Variants in OSBPL2 observed in about 807,000 individuals in gnomAD.
The protein encoded by OSBPL2 is oxysterol binding protein like 2, also known as oxysterol-binding protein-related protein 2.
OSBPL2 carries 18 observed loss-of-function variants against 58.4 expected under a neutral mutation model. That is an observed-to-expected ratio of 0.31 (90% CI 0.21 to 0.46). The LOEUF is 0.46. OSBPL2 is among the 20% of genes least tolerant of loss of function. The pLI, the probability that OSBPL2 is intolerant of heterozygous loss-of-function variation, is 1.00. For missense variants in OSBPL2, 461 were observed against 616.5 expected (o/e 0.75, Z 2.67); for synonymous variants, 221 against 234.1 (o/e 0.94, Z 0.51).
chr20:62,244,105 G>A (rs891096433), intron 1 of OSBPL2, among the ~76,000 whole-genome samples: 1 of 152,152 alleles, frequency 6.6e-6, no homozygotes, highest in Non-Finnish European at 1.5e-5. Context: ...GGGCAAGGAC[G>A]CACTCCAGCA....
chr20:62,244,027 C>A (rs912082159), intron 1 of OSBPL2, among the ~76,000 whole-genome samples: 2 of 151,932 alleles, frequency 1.3e-5, no homozygotes, highest in Admixed American at 6.5e-5. Context: ...TAGGGCTGCA[C>A]AGGATGAAGA....
At chr20:62,281,641 A>G (rs1982792417) in intron 8 of OSBPL2, 149 bp from the exon 9 acceptor site, 1 of 592,620 alleles carries the variant, frequency 1.7e-6, no homozygotes, top group East Asian at 2.7e-5. Context: ...CATTTCAAAC[A>G]CTTCCATCGC....
At position 62,289,213 on chromosome 20, in the gene OSBPL2, A is replaced by T; in HGVS notation, c.1132A>T (p.Asn378Tyr). Reference sequence around the variant, plus strand: ...TCTGTGCCTTGCTCCACAGATGTATAATTTCACCAGTTTCACTGTGAGCCT... The same window carrying T: ...TCTGTGCCTTGCTCCACAGATGTATTATTTCACCAGTTTCACTGTGAGCCT... Reference protein sequence around the residue: ...TRPPNSAQMYNFTSFTVSLNE... With the variant: ...TRPPNSAQMYYFTSFTVSLNE... The change falls in exon 12 of 14, where the codon AAT (asparagine) becomes TAT (tyrosine). Residue 378 changes from asparagine to tyrosine, a missense_variant. Physicochemically the swap from Asn to Tyr is moderately radical, Grantham distance 143. This residue lies in a region of OSBPL2 where 319 missense variants were observed against 419.2 expected (regional missense o/e 0.76). Transcript: ENST00000313733. 1 of 1,613,778 alleles carries T rather than the reference A, an allele frequency of 6.2e-7. No homozygotes were observed. Among genetic ancestry groups the T allele is most frequent in the Non-Finnish European group, 8.5e-7 (1 of 1,179,860 alleles).
At chr20:62,271,290 T>C (rs1271704697) in intron 4 of OSBPL2, among the ~76,000 whole-genome samples, 3 of 152,058 alleles carry the variant, frequency 2.0e-5, no homozygotes, top group Non-Finnish European at 4.4e-5. Flanking sequence ...AGCAGACACC[T>C]GAGACTCCTT....
chr20:62,255,974 G>C (rs984986985), intron 1 of OSBPL2, 83 bp from the exon 2 acceptor site: 1 of 512,690 alleles, frequency 2.0e-6, no homozygotes, highest in African/African-American at 2.0e-5. Context: ...ATTGATTTTA[G>C]GATGGTGAAT....
chr20:62,265,965 T>C (rs1981634069), intron 4 of OSBPL2, among the ~76,000 whole-genome samples: 1 of 151,884 alleles, frequency 6.6e-6, no homozygotes, highest in East Asian at 1.9e-4. Context: ...TACAAAAAAA[T>C]TTAAAAGATT....
intron 6 of OSBPL2, among the ~76,000 whole-genome samples, chr20:62,274,664 TCTGA>T (rs1240200469): frequency 1.3e-5 from 2 of 152,220 alleles, no homozygotes; most frequent in African/African-American, 2.4e-5. Context: ...CCTTCACTCT[TCTGA>T]CTGTCAGTGG....
At chr20:62,246,726 C>A (rs543443393) in intron 1 of OSBPL2, among the ~76,000 whole-genome samples, 6 of 152,200 alleles carry the variant, frequency 3.9e-5, no homozygotes, top group Admixed American at 2.6e-4. Flanking sequence ...TGCCCCTCCC[C>A]CTCAGTGCCA....
At chr20:62,281,622 C>G in intron 8 of OSBPL2, 168 bp from the exon 9 acceptor site, 1 of 564,184 alleles carries the variant, frequency 1.8e-6, no homozygotes, top group Non-Finnish European at 3.2e-6. Context: ...TGGAGCCGTC[C>G]CCACAGCCCA....
rs886988347 is a variant in OSBPL2 at position 62,269,286 on chromosome 20, C to T, written c.259-2839C>T. On this transcript the variant is annotated intron_variant, in intron 4 of 13. Coordinates refer to ENST00000313733, the MANE Select transcript of OSBPL2 (RefSeq NM_144498.4). The surrounding 1 kb of genome is among the most constrained non-coding windows in gnomAD (Gnocchi z 4.2). Reference sequence around the variant, plus strand: ...GACTGGCGCCCTGTTGTTGGACATACGGGTCATTTCTGATCTTTCATGGAT... The same window carrying T: ...GACTGGCGCCCTGTTGTTGGACATATGGGTCATTTCTGATCTTTCATGGAT... 2.6e-5 allele frequency among the ~76,000 whole-genome samples: 4 copies of T among 152,098 alleles called. No individual in the cohort carries two copies. The highest frequency in any genetic ancestry group is 4.2e-4 in the South Asian group (2 of 4,816).
At chr20:62,259,938 C>T (rs1450429702) in intron 2 of OSBPL2, 43 bp from the exon 3 acceptor site, 1 of 1,593,242 alleles carries the variant, frequency 6.3e-7, no homozygotes, top group Non-Finnish European at 8.6e-7. Context: ...TTTAAAAAAT[C>T]TTTCAGGTCC....
intron 6 of OSBPL2, chr20:62,278,572 G>A (rs796471265): frequency 0.012 from 1,451 of 117,360 alleles, 28 homozygotes; most frequent in African/African-American, 0.031. Flanking sequence ...TGTTGCCAAC[G>A]TTAGGCCGAG....
chr20:62,271,817 C>A, intron 4 of OSBPL2: 1 of 300,254 alleles, frequency 3.3e-6, no homozygotes, highest in South Asian at 5.4e-5. Flanking sequence ...CAGGTGGGCC[C>A]AAGAGCCCTT....
At chr20:62,250,861 G>A (rs1192529313) in intron 1 of OSBPL2, among the ~76,000 whole-genome samples, 1 of 152,138 alleles carries the variant, frequency 6.6e-6, no homozygotes, top group African/African-American at 2.4e-5. Flanking sequence ...GGAGGTCAAG[G>A]CTGCAGTGAG....
At chr20:62,280,666 T>C (rs1053032741) in intron 7 of OSBPL2, among the ~76,000 whole-genome samples, 2 of 152,200 alleles carry the variant, frequency 1.3e-5, no homozygotes, top group African/African-American at 4.8e-5. Context: ...TTGAAAACCC[T>C]GCACCCCTCC....
chr20:62,255,871 T>A (rs745952739), intron 1 of OSBPL2, among the ~76,000 whole-genome samples, 186 bp from the exon 2 acceptor site: 2 of 152,250 alleles, frequency 1.3e-5, no homozygotes, highest in African/African-American at 2.4e-5. Flanking sequence ...CATTGATTGA[T>A]CTTCCGTTAT....
intron 1 of OSBPL2, among the ~76,000 whole-genome samples, chr20:62,239,614 C>G (rs761289522): frequency 6.6e-6 from 1 of 152,186 alleles, no homozygotes; most frequent in African/African-American, 2.4e-5. Context: ...AGACGTTTCT[C>G]GAATGCCTGC....
intron 4 of OSBPL2, among the ~76,000 whole-genome samples, chr20:62,266,855 C>T (rs1203182018): frequency 1.3e-5 from 2 of 152,152 alleles, no homozygotes; most frequent in Non-Finnish European, 2.9e-5. Context: ...TTCAAATGTC[C>T]AGTGGTCTCA....
chr20:62,279,603 G>T, intron 7 of OSBPL2: 1 of 540,256 alleles, frequency 1.9e-6, no homozygotes, highest in Non-Finnish European at 3.3e-6. Flanking sequence ...TGTTGCTGGG[G>T]TGCATCCTCA....
Sources: gnomAD v4.1 joint callset for allele counts (sites outside exome capture counted in the v4.1 genomes callset) on GRCh38, gnomAD v4.1.1 for gene constraint, gnomAD v4.1.1 regional missense constraint, Gnocchi (gnomAD v3.1) non-coding constraint, MANE v1.5 for transcripts, NCBI Gene and HGNC (gene_info 2026-07-23, HGNC 2026-07-21) for gene names.